The following CMSS1 variants were observed in gnomAD, a reference collection of about 807,000 sequenced individuals.
The protein encoded by CMSS1 is protein CMSS1.
Under a neutral mutation model 43.5 loss-of-function variants are expected in CMSS1, and 33 were observed. That is an observed-to-expected ratio of 0.76 (90% CI 0.57 to 1.01). The LOEUF (loss-of-function observed/expected upper bound fraction) is 1.01. CMSS1 is among the 50% of genes least tolerant of loss of function. The probability of loss-of-function intolerance (pLI) is 0.00; values close to 1 mark genes in which losing one functional copy is unlikely to be tolerated. For missense variants in CMSS1, 313 were observed against 326.4 expected (o/e 0.96, Z 0.32); for synonymous variants, 115 against 117.2 (o/e 0.98, Z 0.12).
chr3:99,864,265 G>A (rs1260156789), intron 1 of CMSS1, among the ~76,000 whole-genome samples: 1 of 152,044 alleles, frequency 6.6e-6, no homozygotes, highest in African/African-American at 2.4e-5. Context: ...ACTATGCAAG[G>A]CCATCATTAT....
intron 1 of CMSS1, among the ~76,000 whole-genome samples, chr3:100,139,528 A>T (rs1270921921): frequency 9.0e-6 from 1 of 111,016 alleles, no homozygotes; most frequent in African/African-American, 3.6e-5. Flanking sequence ...CTAAAAAAAA[A>T]ATGTGTGTGT....
In CMSS1 at chr3:100,162,397, G is replaced by A. The variant is rs374111402; in HGVS notation, c.320G>A (p.Arg107His). 56 of 1,612,946 alleles carry A rather than the reference G, an allele frequency of 3.5e-5. 1 individual carries two copies. The South Asian group carries it at 4.7e-4, about 14-fold the overall frequency. ...KLMKDYYSSR[R>H]LVIELEELNL... ...ATGAAGGACTATTATAGCAGCAGAC[G>A]CTTGGTGATTGAATTAGAAGAACTG... The change falls in exon 4 of 10, where the codon CGC (arginine) becomes CAC (histidine). Residue 107 changes from arginine to histidine, a missense_variant. Transcript: ENST00000421999.
At chr3:99,893,018 G>GT (rs1480002566) in intron 1 of CMSS1, among the ~76,000 whole-genome samples, 2 of 152,212 alleles carry the variant, frequency 1.3e-5, no homozygotes, top group Non-Finnish European at 2.9e-5. Flanking sequence ...TGGAGGAGGA[G>GT]TGGCAATGCC....
intron 1 of CMSS1, among the ~76,000 whole-genome samples, chr3:99,936,297 A>G (rs1707664704): frequency 6.6e-6 from 1 of 151,070 alleles, no homozygotes; most frequent in Admixed American, 6.6e-5. Context: ...CTTATCATAT[A>G]CAAGCCCATT....
At chr3:99,902,225 T>G (rs1706460000) in intron 1 of CMSS1, among the ~76,000 whole-genome samples, 1 of 152,164 alleles carries the variant, frequency 6.6e-6, no homozygotes, top group Admixed American at 6.5e-5. Flanking sequence ...GACATTTTTT[T>G]GAGTAGGAAT....
chr3:100,105,251 T>A (rs1165231559), intron 1 of CMSS1, among the ~76,000 whole-genome samples: 1 of 152,174 alleles, frequency 6.6e-6, no homozygotes, highest in Non-Finnish European at 1.5e-5. Context: ...TGAAATAACA[T>A]ATAATTGAAG....
intron 1 of CMSS1, chr3:99,930,811 A>G (rs1472709769): frequency 6.2e-7 from 1 of 1,612,878 alleles, no homozygotes; most frequent in Non-Finnish European, 8.5e-7. Flanking sequence ...ATAACAGGTC[A>G]TCTCTTGAGA....
chr3:100,039,022 A>G (rs1015645086), intron 1 of CMSS1, among the ~76,000 whole-genome samples: 1 of 152,248 alleles, frequency 6.6e-6, no homozygotes, highest in Non-Finnish European at 1.5e-5. Flanking sequence ...TTGGGAGACA[A>G]TAATTTTGCA....
chr3:99,864,324 A>G (rs563836088), intron 1 of CMSS1, among the ~76,000 whole-genome samples: 1 of 152,256 alleles, frequency 6.6e-6, no homozygotes, highest in South Asian at 2.1e-4. Context: ...TTATAAAGAG[A>G]AGGAAACAAG....
At chr3:100,114,167 G>C (rs2066535174) in intron 1 of CMSS1, 1 of 151,838 alleles carries the variant, frequency 6.6e-6, no homozygotes, top group African/African-American at 2.4e-5. Flanking sequence ...TCTCTTTTTG[G>C]ACACCCTCTC....
chr3:99,827,564 G>C (rs968614236), intron 1 of CMSS1, among the ~76,000 whole-genome samples: 6 of 152,128 alleles, frequency 3.9e-5, no homozygotes, highest in African/African-American at 1.4e-4. Context: ...ATGAGTTTCT[G>C]CTGGTTCCCA....
At chr3:100,144,507 C>G (rs895715279) in intron 1 of CMSS1, among the ~76,000 whole-genome samples, 1 of 152,116 alleles carries the variant, frequency 6.6e-6, no homozygotes, top group Admixed American at 6.5e-5. Flanking sequence ...GATAAAAATC[C>G]CAGCTCCCAG....
intron 1 of CMSS1, among the ~76,000 whole-genome samples, chr3:100,068,143 C>CA (rs2065698170): frequency 6.6e-6 from 1 of 152,194 alleles, no homozygotes; most frequent in Non-Finnish European, 1.5e-5. Flanking sequence ...GAGAAATGCA[C>CA]ATTTAATCAA....
intron 1 of CMSS1, among the ~76,000 whole-genome samples, chr3:100,128,716 A>G (rs192679876): frequency 1.3e-5 from 2 of 152,320 alleles, no homozygotes; most frequent in Admixed American, 1.3e-4. Flanking sequence ...GCATATGTTA[A>G]TGTTGCCTAC....
chr3:100,081,467 A>G (rs1389442157), intron 1 of CMSS1, among the ~76,000 whole-genome samples: 1 of 152,192 alleles, frequency 6.6e-6, no homozygotes, highest in East Asian at 1.9e-4. Flanking sequence ...ATCTGATTAT[A>G]CTTGACAACC....
intron 1 of CMSS1, chr3:100,051,343 C>A (rs1398447240): frequency 1.3e-5 from 2 of 151,578 alleles, no homozygotes; most frequent in Non-Finnish European, 2.9e-5. Flanking sequence ...TAATATAAAC[C>A]AATGGCTTAT....
chr3:99,818,104 G>GCCCT, intron 1 of CMSS1, 61 bp downstream of exon 1: 3 of 1,518,136 alleles, frequency 2.0e-6, no homozygotes, highest in Non-Finnish European at 2.7e-6. Context: ...GTGCGCCTCA[G>GCCCT]CCCTGGTCGC....
chr3:99,940,556 A>G (rs774461345), intron 1 of CMSS1, among the ~76,000 whole-genome samples: 6 of 152,250 alleles, frequency 3.9e-5, no homozygotes, highest in African/African-American at 9.6e-5. Context: ...AGCCAACACC[A>G]GAAGGCAGGT....
At chr3:99,911,825 A>AT (rs902724708) in intron 1 of CMSS1, among the ~76,000 whole-genome samples, 4 of 151,336 alleles carry the variant, frequency 2.6e-5, no homozygotes, top group Admixed American at 2.0e-4. Flanking sequence ...CTTCTTCATT[A>AT]TTTTTTTTTC....
Sources: gnomAD v4.1 joint callset for allele counts (sites outside exome capture counted in the v4.1 genomes callset) on GRCh38, gnomAD v4.1.1 for gene constraint, MANE v1.5 for transcripts, NCBI Gene and HGNC (gene_info 2026-07-23, HGNC 2026-07-21) for gene names.